Variants in EDAR observed in about 807,000 individuals in gnomAD.
EDAR encodes ectodysplasin A receptor.
In EDAR, 38 loss-of-function variants were observed where a neutral mutation model predicts 51.3. The ratio of observed to expected loss-of-function variants is 0.74; its 90% CI spans 0.57 to 0.97. The LOEUF is 0.97. EDAR is among the 50% of genes least tolerant of loss of function. The pLI is 0.00. For missense variants in EDAR, 528 were observed against 595.0 expected (o/e 0.89, Z 1.17); for synonymous variants, 227 against 242.1 (o/e 0.94, Z 0.58).
At chr2:108,983,480 ATCCCACTGGAGCAT>A (rs1015298587) in intron 1 of EDAR, among the ~76,000 whole-genome samples, 13 of 152,220 alleles carry the variant, frequency 8.5e-5, no homozygotes, top group African/African-American at 2.9e-4. Flanking sequence ...AGACATCTGC[ATCCCACTGGAGCAT>A]TCCCCGTGGC....
chr2:108,943,677 T>C (rs539293050), intron 1 of EDAR, among the ~76,000 whole-genome samples: 1 of 152,110 alleles, frequency 6.6e-6, no homozygotes, highest in African/African-American at 2.4e-5. Context: ...GTGTGTTGAG[T>C]AACAGCAGCC....
intron 5 of EDAR, among the ~76,000 whole-genome samples, chr2:108,915,502 G>A (rs17037099): frequency 0.057 from 8,683 of 152,290 alleles, 292 homozygotes; most frequent in South Asian, 0.11. Context: ...TTGTGTTTCT[G>A]GATGATGAAT....
chr2:108,917,798 G>A (rs1191243986), intron 5 of EDAR, among the ~76,000 whole-genome samples: 4 of 152,012 alleles, frequency 2.6e-5, no homozygotes, highest in South Asian at 2.1e-4. Flanking sequence ...GAGCAGATCC[G>A]GTCCCAAAGT....
chr2:108,905,526 G>A (rs1475655582), intron 11 of EDAR, among the ~76,000 whole-genome samples: 1 of 151,844 alleles, frequency 6.6e-6, no homozygotes, highest in African/African-American at 2.4e-5. Context: ...GGCCTACGGT[G>A]GGGTGTGGGG....
intron 5 of EDAR, among the ~76,000 whole-genome samples, chr2:108,921,568 C>T (rs1007510940): frequency 6.6e-6 from 1 of 152,190 alleles, no homozygotes; most frequent in African/African-American, 2.4e-5. Context: ...TGTTTGCTGC[C>T]CAGAGTGGGG....
At chr2:108,944,177 G>A (rs187424565) in intron 1 of EDAR, among the ~76,000 whole-genome samples, 375 of 152,296 alleles carry the variant, frequency 2.5e-3, no homozygotes, top group Non-Finnish European at 4.2e-3. Flanking sequence ...GCAGTGGCAC[G>A]ATCTCGGCTC....
chr2:108,964,738 A>T (rs751546871), intron 1 of EDAR, among the ~76,000 whole-genome samples: 2 of 152,212 alleles, frequency 1.3e-5, no homozygotes, highest in African/African-American at 2.4e-5. Flanking sequence ...CGCCACACTC[A>T]GTGCTCACTA....
At chr2:108,965,672 G>A (rs10205546) in intron 1 of EDAR, among the ~76,000 whole-genome samples, 2,434 of 152,168 alleles carry the variant, frequency 0.016, 65 homozygotes, top group African/African-American at 0.057. Flanking sequence ...GACTGCTGCA[G>A]TGGGAGAGCT....
intron 1 of EDAR, among the ~76,000 whole-genome samples, chr2:108,950,145 C>G (rs1205873220): frequency 6.6e-6 from 1 of 152,200 alleles, no homozygotes; most frequent in Admixed American, 6.5e-5. Flanking sequence ...CCCTACAAGG[C>G]AGAACAGATG....
intron 1 of EDAR, among the ~76,000 whole-genome samples, chr2:108,931,344 G>A (rs1371249023): frequency 1.3e-5 from 2 of 152,208 alleles, no homozygotes; most frequent in African/African-American, 2.4e-5. Context: ...GAGAAACCTA[G>A]CCTTACATGA....
At chr2:108,908,190 C>T (rs1305201730) in intron 9 of EDAR, among the ~76,000 whole-genome samples, 171 bp from the exon 10 acceptor site, 1 of 152,030 alleles carries the variant, frequency 6.6e-6, no homozygotes, top group Non-Finnish European at 1.5e-5. Context: ...GGACATGAGA[C>T]GAGACATACA....
intron 10 of EDAR, 110 bp from the exon 11 acceptor site, chr2:108,906,478 C>T (rs542361881): frequency 1.2e-4 from 132 of 1,105,024 alleles, no homozygotes; most frequent in South Asian, 7.4e-4. Context: ...ACACCAGAGA[C>T]GCTGCACACA....
At chr2:108,964,466 G>A (rs1368877047) in intron 1 of EDAR, among the ~76,000 whole-genome samples, 2 of 152,116 alleles carry the variant, frequency 1.3e-5, no homozygotes, top group South Asian at 2.1e-4. Flanking sequence ...CCCAAAATAT[G>A]AGAAATAAAA....
intron 5 of EDAR, among the ~76,000 whole-genome samples, chr2:108,917,659 G>A (rs929890584): frequency 1.3e-5 from 2 of 152,086 alleles, no homozygotes; most frequent in African/African-American, 2.4e-5. Context: ...GGGGTCAAAC[G>A]GGAGGCGGTG....
intron 1 of EDAR, among the ~76,000 whole-genome samples, chr2:108,931,364 C>T (rs1346994801): frequency 6.6e-6 from 1 of 152,198 alleles, no homozygotes; most frequent in Non-Finnish European, 1.5e-5. Flanking sequence ...AGCTTTAAGT[C>T]TGGAGTCCTC....
intron 1 of EDAR, among the ~76,000 whole-genome samples, chr2:108,967,556 C>T (rs1698168178): frequency 6.6e-6 from 1 of 152,092 alleles, no homozygotes; most frequent in South Asian, 2.1e-4. Context: ...CAAGTGACTT[C>T]CTAATTTTTC....
At chr2:108,931,839 T>A (rs1469359999) in intron 1 of EDAR, among the ~76,000 whole-genome samples, 1 of 152,138 alleles carries the variant, frequency 6.6e-6, no homozygotes, top group East Asian at 1.9e-4. Context: ...CAAAGAGAGA[T>A]AATGTGCTCT....
In EDAR at chr2:108,894,781, A is replaced by G. The variant is rs1558791516; in HGVS notation, c.*2126T>C. ...GTAAATGACAAGGGAATTTGTAACT[A>G]TATAAGGAATAGCTCCCTAAAAATG... On this transcript the variant is annotated 3_prime_UTR_variant, in exon 12 of 12. Transcript: ENST00000258443. 6.6e-6 allele frequency: 1 copy of G among 152,228 alleles called. No homozygotes were observed. Among genetic ancestry groups the G allele is most frequent in the Admixed American group, 6.5e-5 (1 of 15,286 alleles). The allele number at this position is 152,228 out of a possible 1,614,324, so 9.4% of individuals were successfully genotyped here.
chr2:108,952,976 G>C (rs1697853116), intron 1 of EDAR, among the ~76,000 whole-genome samples: 2 of 152,160 alleles, frequency 1.3e-5, no homozygotes, highest in Admixed American at 6.5e-5. Flanking sequence ...TAGACTTTCT[G>C]AGGTCTTTTT....
Sources: gnomAD v4.1 joint callset for allele counts (sites outside exome capture counted in the v4.1 genomes callset) on GRCh38, gnomAD v4.1.1 for gene constraint, MANE v1.5 for transcripts, NCBI Gene and HGNC (gene_info 2026-07-23, HGNC 2026-07-21) for gene names.